RBFOX1: variants seen among roughly 807,000 people sequenced by gnomAD.
RBFOX1 encodes RNA binding protein fox-1 homolog 1.
RBFOX1 carries 8 observed loss-of-function variants against 57.7 expected under a neutral mutation model. The ratio of observed to expected loss-of-function variants is 0.14; its 90% confidence interval spans 0.08 to 0.25. The LOEUF is 0.25. RBFOX1 is among the 10% of genes least tolerant of loss of function. The pLI is 1.00. For missense variants in RBFOX1, 611 were observed against 548.5 expected (o/e 1.11, Z -1.14); for synonymous variants, 326 against 222.4 (o/e 1.47, Z -4.15).
chr16:6,055,075 G>A (rs139965782), intron 1 of RBFOX1, among the ~76,000 whole-genome samples: 9 of 152,204 alleles, frequency 5.9e-5, no homozygotes, highest in East Asian at 1.9e-4. Flanking sequence ...TCCTTTGCAG[G>A]GGACTTCATG....
At chr16:6,728,393 A>G (rs571683967) in intron 3 of RBFOX1, among the ~76,000 whole-genome samples, 1 of 152,286 alleles carries the variant, frequency 6.6e-6, no homozygotes, top group South Asian at 2.1e-4. Context: ...CTTCTTCTAG[A>G]AGAGGTTATT....
chr16:5,504,484 C>G (rs779298500), intron 2 of RBFOX1, among the ~76,000 whole-genome samples: 12 of 152,240 alleles, frequency 7.9e-5, no homozygotes, highest in Admixed American at 1.3e-4. Context: ...GAGGCAGTCA[C>G]TGTCCACACA....
Position 7,116,363 on chromosome 16 carries a change from G to T in RBFOX1, c.27+64265G>T, listed in dbSNP as rs59181238. ...ATGAGGTGTCATTCAAAGCACTTTT[G>T]AGGCAAAGTATTATGTTTCACAGCC... On this transcript the variant is annotated intron_variant, in intron 4 of 15. Coordinates refer to ENST00000550418, the MANE Select transcript of RBFOX1 (RefSeq NM_018723.4). Among the ~76,000 whole-genome samples the T allele has an allele frequency of 6.2e-3, 951 of 152,184 alleles. 12 individuals carry two copies. Among genetic ancestry groups the T allele is most frequent in the African/African-American group, 0.022 (898 of 41,504 alleles).
At chr16:7,702,376 G>C (rs538891856) in intron 14 of RBFOX1, among the ~76,000 whole-genome samples, 29 of 152,018 alleles carry the variant, frequency 1.9e-4, no homozygotes, top group African/African-American at 7.0e-4. Context: ...AAGCTGAGGG[G>C]ACCTCTCTGC....
intron 4 of RBFOX1, among the ~76,000 whole-genome samples, chr16:7,408,379 T>C (rs575227448): frequency 6.6e-6 from 1 of 152,334 alleles, no homozygotes; most frequent in African/African-American, 2.4e-5. Flanking sequence ...TTAGACTGTG[T>C]CTGAGCACAG....
At chr16:6,805,469 C>T (rs557972225) in intron 3 of RBFOX1, among the ~76,000 whole-genome samples, 24 of 152,214 alleles carry the variant, frequency 1.6e-4, no homozygotes, top group African/African-American at 5.8e-4. Flanking sequence ...GTGAAATAAT[C>T]TGTACCATCC....
At chr16:7,484,086 G>A (rs1455746474) in intron 4 of RBFOX1, among the ~76,000 whole-genome samples, 1 of 152,102 alleles carries the variant, frequency 6.6e-6, no homozygotes, top group African/African-American at 2.4e-5. Flanking sequence ...GAATCATACT[G>A]TGCAGAGTCT....
rs369000663 is a variant in RBFOX1 at position 7,203,233 on chromosome 16, C to T, written c.27+151135C>T. ...ACCTTAGAAGGGAAGAAAATTCTGA[C>T]GCATGCTTCACAAATGAGCCCTGAG... On this transcript the variant is annotated intron_variant, in intron 4 of 15. Coordinates refer to ENST00000550418, the MANE Select transcript of RBFOX1 (RefSeq NM_018723.4). Among the ~76,000 whole-genome samples the T allele has an allele frequency of 7.8e-4, 119 of 152,276 alleles. 2 individuals carry two copies. In the South Asian group the frequency reaches 0.02, roughly 26 times the overall value.
intron 2 of RBFOX1, among the ~76,000 whole-genome samples, chr16:5,528,237 A>G (rs939066131): frequency 2.0e-5 from 3 of 152,138 alleles, no homozygotes; most frequent in Non-Finnish European, 4.4e-5. Context: ...CTTTGTGCCC[A>G]GTGCTGAAGC....
At chr16:5,915,431 A>T (rs146013859) in intron 4 of RBFOX1, among the ~76,000 whole-genome samples, 1 of 152,212 alleles carries the variant, frequency 6.6e-6, no homozygotes, top group Non-Finnish European at 1.5e-5. Context: ...CATCCATTCA[A>T]TGAACACTTT....
chr16:7,543,567 G>C (rs1350316767), intron 5 of RBFOX1, among the ~76,000 whole-genome samples: 5 of 152,060 alleles, frequency 3.3e-5, no homozygotes, highest in African/African-American at 4.8e-5. Context: ...TGACACAACT[G>C]ATTGAATCCA....
At chr16:7,362,784 G>T (rs772246134) in intron 4 of RBFOX1, among the ~76,000 whole-genome samples, 1 of 152,164 alleles carries the variant, frequency 6.6e-6, no homozygotes, top group Non-Finnish European at 1.5e-5. Context: ...ATATGTGTGT[G>T]TGTGCATTTC....
chr16:5,712,374 G>T (rs1229698246), intron 3 of RBFOX1, among the ~76,000 whole-genome samples: 1 of 152,170 alleles, frequency 6.6e-6, no homozygotes, highest in Non-Finnish European at 1.5e-5. Context: ...GTGCTCTAAG[G>T]CTTAGGGAAT....
intron 3 of RBFOX1, among the ~76,000 whole-genome samples, chr16:6,754,289 C>T (rs2075427884): frequency 6.6e-6 from 1 of 152,162 alleles, no homozygotes; most frequent in East Asian, 1.9e-4. Context: ...TGACTCTCCG[C>T]CAACTCAATA....
intron 4 of RBFOX1, among the ~76,000 whole-genome samples, chr16:7,450,751 G>A (rs1288265808): frequency 6.6e-6 from 1 of 152,152 alleles, no homozygotes; most frequent in Non-Finnish European, 1.5e-5. Context: ...GTTGCTGAGT[G>A]GGTGTTGAGG....
Position 5,611,719 on chromosome 16 carries a change from T to TATCCATCCATCCATCCATCCATCCATCC in RBFOX1, c.318+12761_318+12788dup, listed in dbSNP as rs61156757. ...CCACCCACTCTCCCATCCATCCATC[T>TATCCATCCATCCATCCATCCATCCATCC]ATCCATCCATCCATCCATCCATCCA... On this transcript the variant is annotated intron_variant, in intron 3 of 19. Coordinates refer to the RBFOX1 transcript ENST00000641259. Among the ~76,000 whole-genome samples the TATCCATCCATCCATCCATCCATCCATCC allele has an allele frequency of 9.2e-3, 1,052 of 114,662 alleles. 39 individuals are homozygous for TATCCATCCATCCATCCATCCATCCATCC. Among genetic ancestry groups the TATCCATCCATCCATCCATCCATCCATCC allele is most frequent in the African/African-American group, 0.034 (943 of 27,596 alleles). 75.2% of individuals were successfully genotyped at this position (114,662 alleles called of 152,430 possible).
chr16:7,238,196 G>A (rs531352004), intron 4 of RBFOX1, among the ~76,000 whole-genome samples: 24 of 152,264 alleles, frequency 1.6e-4, no homozygotes, highest in African/African-American at 4.3e-4. Context: ...AAAGAGGAAT[G>A]GTGAGTTAGT....
intron 4 of RBFOX1, among the ~76,000 whole-genome samples, chr16:7,151,208 G>A (rs2076040822): frequency 6.6e-6 from 1 of 152,154 alleles, no homozygotes; most frequent in Non-Finnish European, 1.5e-5. Context: ...CACTGGGAAA[G>A]TAAATTTTTA....
At chr16:5,991,347 G>A (rs893117004) in intron 4 of RBFOX1, among the ~76,000 whole-genome samples, 4 of 152,266 alleles carry the variant, frequency 2.6e-5, no homozygotes, top group African/African-American at 9.6e-5. Context: ...CCTTGCAAAC[G>A]GGTAGCTACA....
Sources: gnomAD v4.1 joint callset for allele counts (sites outside exome capture counted in the v4.1 genomes callset) on GRCh38, gnomAD v4.1.1 for gene constraint, MANE v1.5 for transcripts, NCBI Gene and HGNC (gene_info 2026-07-23, HGNC 2026-07-21) for gene names.